The following ASIC2 variants were observed in gnomAD, a reference collection of about 807,000 sequenced individuals.
ASIC2 encodes acid sensing ion channel subunit 2.
In ASIC2, 25 loss-of-function variants were observed where a neutral mutation model predicts 57.3. The ratio of observed to expected loss-of-function variants is 0.44; its 90% CI spans 0.32 to 0.61. The LOEUF is 0.61. Among genes scored for constraint, ASIC2 ranks in the 20% least tolerant of loss-of-function variants. The pLI, the probability that ASIC2 is intolerant of heterozygous loss-of-function variation, is 0.06. For synonymous variants in ASIC2, 319 were observed against 307.5 expected (o/e 1.04, Z -0.39); for missense variants, 641 against 738.1 (o/e 0.87, Z 1.52).
At chr17:34,010,569 C>T (rs540023897) in intron 1 of ASIC2, among the ~76,000 whole-genome samples, 13 of 152,254 alleles carry the variant, frequency 8.5e-5, no homozygotes, top group African/African-American at 2.9e-4. Context: ...GTTTTTTCAA[C>T]TCTGACACAT....
At chr17:33,995,999 T>C (rs187237582) in intron 1 of ASIC2, among the ~76,000 whole-genome samples, 14 of 152,316 alleles carry the variant, frequency 9.2e-5, no homozygotes, top group Admixed American at 3.9e-4. Context: ...TCCATATCTT[T>C]GACGATACCT....
intron 1 of ASIC2, among the ~76,000 whole-genome samples, chr17:33,678,462 C>A (rs1308329592): frequency 1.3e-5 from 2 of 149,156 alleles, no homozygotes; most frequent in Non-Finnish European, 2.9e-5. Context: ...CACACACACA[C>A]ACACACACAC....
intron 1 of ASIC2, among the ~76,000 whole-genome samples, chr17:33,628,943 C>T (rs535594329): frequency 6.6e-6 from 1 of 152,292 alleles, no homozygotes; most frequent in African/African-American, 2.4e-5. Context: ...CACGTGGGAG[C>T]CCTCAGCACA....
intron 1 of ASIC2, among the ~76,000 whole-genome samples, chr17:33,958,704 T>TGCCACAAACGTCTCTG (rs1904822873): frequency 1.3e-5 from 2 of 152,168 alleles, no homozygotes; most frequent in Non-Finnish European, 2.9e-5. Flanking sequence ...TGGGAGTGGC[T>TGCCACAAACGTCTCTG]GCCACAAACG....
At chr17:33,081,675 C>T (rs1053417013) in intron 3 of ASIC2, among the ~76,000 whole-genome samples, 2 of 152,140 alleles carry the variant, frequency 1.3e-5, no homozygotes, top group African/African-American at 4.8e-5. Context: ...TTTTGAAAGG[C>T]ACTTAGGAAG....
intron 1 of ASIC2, among the ~76,000 whole-genome samples, chr17:33,904,093 G>A (rs1915290508): frequency 6.7e-6 from 1 of 149,676 alleles, no homozygotes; most frequent in Non-Finnish European, 1.5e-5. Context: ...AACCCTGGAG[G>A]CGGAGGTTGC....
chr17:33,078,663 C>T (rs895889610), intron 3 of ASIC2, among the ~76,000 whole-genome samples: 2 of 152,132 alleles, frequency 1.3e-5, no homozygotes, highest in Non-Finnish European at 2.9e-5. Context: ...GTCTCCAACT[C>T]CTGATTCTCC....
chr17:34,027,956 TTA>T (rs1182204387), intron 1 of ASIC2, among the ~76,000 whole-genome samples: 1 of 152,228 alleles, frequency 6.6e-6, no homozygotes, highest in African/African-American at 2.4e-5. Flanking sequence ...ATGCATTATT[TTA>T]TATCCACAAG....
At chr17:33,731,786 A>G (rs934001520) in intron 1 of ASIC2, among the ~76,000 whole-genome samples, 1 of 152,168 alleles carries the variant, frequency 6.6e-6, no homozygotes, top group Admixed American at 6.5e-5. Context: ...ATGCAGGTCT[A>G]TCTCCTCTTC....
intron 3 of ASIC2, among the ~76,000 whole-genome samples, chr17:33,060,090 AT>A (rs1229867702): frequency 6.6e-6 from 1 of 151,804 alleles, no homozygotes; most frequent in Non-Finnish European, 1.5e-5. Context: ...GATTGCAAAA[AT>A]TTTTTCCCAT....
chr17:33,505,786 G>T (rs1441664167), intron 1 of ASIC2, among the ~76,000 whole-genome samples: 1 of 152,184 alleles, frequency 6.6e-6, no homozygotes, highest in Non-Finnish European at 1.5e-5. Flanking sequence ...TCTCAACCTT[G>T]CTATCCTAGT....
intron 1 of ASIC2, among the ~76,000 whole-genome samples, chr17:33,713,164 G>A: frequency 6.6e-6 from 1 of 152,214 alleles, no homozygotes; most frequent in East Asian, 1.9e-4. Flanking sequence ...CACATAAGAG[G>A]AGAGGAGATT....
At chr17:33,610,063 C>T (rs1324493655) in intron 1 of ASIC2, among the ~76,000 whole-genome samples, 1 of 151,612 alleles carries the variant, frequency 6.6e-6, no homozygotes, top group Admixed American at 6.6e-5. Flanking sequence ...CGCACACACA[C>T]ACACACACAC....
intron 1 of ASIC2, among the ~76,000 whole-genome samples, chr17:33,224,056 C>A (rs1246854594): frequency 4.6e-5 from 7 of 152,284 alleles, no homozygotes; most frequent in Non-Finnish European, 7.4e-5. Context: ...TGGGAAAGGG[C>A]TCTCATTGTG....
intron 1 of ASIC2, among the ~76,000 whole-genome samples, chr17:33,242,604 C>T (rs1466038995): frequency 1.3e-5 from 2 of 152,202 alleles, no homozygotes; most frequent in Non-Finnish European, 1.5e-5. Flanking sequence ...GCACTCCTCG[C>T]TGCCTCTCGA....
intron 1 of ASIC2, among the ~76,000 whole-genome samples, chr17:33,224,919 GAGA>G (rs1244970188): frequency 6.6e-6 from 1 of 152,180 alleles, no homozygotes; most frequent in African/African-American, 2.4e-5. Context: ...CCTTCCCTGG[GAGA>G]AGGAGTAACT....
intron 1 of ASIC2, among the ~76,000 whole-genome samples, chr17:33,912,071 C>T (rs1455483319): frequency 7.3e-6 from 1 of 137,782 alleles, no homozygotes. Flanking sequence ...ACCCAGGAGG[C>T]AGAGGTTGCA....
chr17:34,130,804 CTTT>C (rs1567832699), intron 1 of ASIC2, among the ~76,000 whole-genome samples: 1 of 152,198 alleles, frequency 6.6e-6, no homozygotes, highest in Non-Finnish European at 1.5e-5. Context: ...TCAACAAATG[CTTT>C]TTGAAATGAA....
chr17:33,799,439 T>TTTCTTTCTTTC (rs1567719102), intron 1 of ASIC2, among the ~76,000 whole-genome samples: 314 of 58,906 alleles, frequency 5.3e-3, no homozygotes, highest in Middle Eastern at 8.9e-3. Flanking sequence ...TCTTTCTTTC[T>TTTCTTTCTTTC]TTCTTTCTTT....
Sources: gnomAD v4.1 joint callset for allele counts (sites outside exome capture counted in the v4.1 genomes callset) on GRCh38, gnomAD v4.1.1 for gene constraint, MANE v1.5 for transcripts, NCBI Gene and HGNC (gene_info 2026-07-23, HGNC 2026-07-21) for gene names.